Variants in ATOSA observed in about 807,000 individuals in gnomAD.
ATOSA encodes the protein atos homolog protein A.
chr15:52,633,607 G>C, the ATOSA span, among the ~76,000 whole-genome samples: 1 of 151,736 alleles, frequency 6.6e-6, no homozygotes. Context: ...GAGAAATGGA[G>C]AGCAGTGAAA....
the ATOSA span, among the ~76,000 whole-genome samples, chr15:52,654,793 G>A: frequency 2.0e-5 from 3 of 152,010 alleles, no homozygotes; most frequent in African/African-American, 4.8e-5. Context: ...GAGATCTACC[G>A]ATAGTAAGAT....
the ATOSA span, among the ~76,000 whole-genome samples, chr15:52,671,556 A>G: frequency 1.3e-5 from 2 of 152,334 alleles, no homozygotes; most frequent in East Asian, 1.9e-4. Context: ...AAAACTTAAA[A>G]TCTAGCTGTA....
At chr15:52,673,286 T>C in the ATOSA span, among the ~76,000 whole-genome samples, 1 of 152,208 alleles carries the variant, frequency 6.6e-6, no homozygotes, top group South Asian at 2.1e-4. Flanking sequence ...ACCAAATACC[T>C]GTTTGGAGTT....
chr15:52,610,531 C>A, the ATOSA span: 1 of 757,546 alleles, frequency 1.3e-6, no homozygotes, highest in African/African-American at 1.8e-5. Context: ...CTTTACCATG[C>A]ATATAATTCT....
At chr15:52,641,562 C>T in the ATOSA span, among the ~76,000 whole-genome samples, 1 of 152,196 alleles carries the variant, frequency 6.6e-6, no homozygotes, top group Non-Finnish European at 1.5e-5. Context: ...GTAATCACAT[C>T]AAGAAAGAAT....
chr15:52,707,109 A>G, the ATOSA span, among the ~76,000 whole-genome samples: 1 of 152,234 alleles, frequency 6.6e-6, no homozygotes, highest in Non-Finnish European at 1.5e-5. Flanking sequence ...ATGTCATTTG[A>G]TCAATGTAGA....
At chr15:52,667,122 T>C in the ATOSA span, among the ~76,000 whole-genome samples, 1 of 152,226 alleles carries the variant, frequency 6.6e-6, no homozygotes, top group Admixed American at 6.5e-5. Flanking sequence ...CCTGAGACTT[T>C]AGGTTTAAAA....
At chr15:52,616,104 C>A in the ATOSA span, among the ~76,000 whole-genome samples, 1 of 152,302 alleles carries the variant, frequency 6.6e-6, no homozygotes, top group Non-Finnish European at 1.5e-5. Flanking sequence ...GTAGACACAA[C>A]AACCAAATAC....
the ATOSA span, among the ~76,000 whole-genome samples, chr15:52,674,950 C>T: frequency 0.012 from 1,830 of 151,898 alleles, 26 homozygotes; most frequent in African/African-American, 0.034. Flanking sequence ...GTGCCAAGCA[C>T]GGTCATATTT....
chr15:52,684,957 TG>T, the ATOSA span, among the ~76,000 whole-genome samples: 1 of 152,206 alleles, frequency 6.6e-6, no homozygotes, highest in East Asian at 1.9e-4. Context: ...TCAAAGACAG[TG>T]GGAAAAAATG....
At chr15:52,705,583 A>C in the ATOSA span, among the ~76,000 whole-genome samples, 1 of 152,304 alleles carries the variant, frequency 6.6e-6, no homozygotes, top group Non-Finnish European at 1.5e-5. Flanking sequence ...CATTACATCA[A>C]TTTAATTTGT....
the ATOSA span, among the ~76,000 whole-genome samples, chr15:52,643,467 T>G: frequency 9.4e-6 from 1 of 105,866 alleles, no homozygotes; most frequent in Non-Finnish European, 2.5e-5. Flanking sequence ...TTTTTTTTTT[T>G]TTGTAGCGAC....
chr15:52,684,647 A>ATTCACTTCTT, the ATOSA span, among the ~76,000 whole-genome samples: 1 of 152,374 alleles, frequency 6.6e-6, no homozygotes, highest in South Asian at 2.1e-4. Flanking sequence ...CTTAGCCAAA[A>ATTCACTTCTT]GGCCAAGAAG....
At chr15:52,665,353 T>C in the ATOSA span, among the ~76,000 whole-genome samples, 474 of 152,358 alleles carry the variant, frequency 3.1e-3, 3 homozygotes, top group Admixed American at 5.6e-3. Context: ...AGATGTCTAC[T>C]ATTTGTACGT....
chr15:52,666,804 G>C, the ATOSA span, among the ~76,000 whole-genome samples: 1 of 152,170 alleles, frequency 6.6e-6, no homozygotes, highest in East Asian at 1.9e-4. Context: ...ATTCCTGTTG[G>C]GGAGAGGGGA....
At chr15:52,600,569 C>CTTTATAT in the ATOSA span, among the ~76,000 whole-genome samples, 1 of 151,996 alleles carries the variant, frequency 6.6e-6, no homozygotes, top group Non-Finnish European at 1.5e-5. Flanking sequence ...TTTTATCTTT[C>CTTTATAT]TTTATATTTT....
the ATOSA span, among the ~76,000 whole-genome samples, chr15:52,691,700 T>C: frequency 2.0e-5 from 3 of 152,058 alleles, no homozygotes; most frequent in East Asian, 5.8e-4. Flanking sequence ...CCAGGCATGG[T>C]GGTGCATACC....
the ATOSA span, among the ~76,000 whole-genome samples, chr15:52,704,099 G>C: frequency 6.6e-6 from 1 of 151,994 alleles, no homozygotes; most frequent in Non-Finnish European, 1.5e-5. Flanking sequence ...GGACATATCA[G>C]AAAATAAAGA....
At chr15:52,585,016 AT>A in the ATOSA span, 1 of 1,291,938 alleles carries the variant, frequency 7.7e-7, no homozygotes, top group Non-Finnish European at 1.1e-6. Context: ...GATTGTGCCA[AT>A]AATCAAACAA....
Sources: gnomAD v4.1 joint callset for allele counts (sites outside exome capture counted in the v4.1 genomes callset) on GRCh38, gnomAD v4.1.1 for gene constraint, MANE v1.5 for transcripts, NCBI Gene and HGNC (gene_info 2026-07-23, HGNC 2026-07-21) for gene names.